The following CNGB1 variants were observed in gnomAD, a reference collection of about 807,000 sequenced individuals.
The protein encoded by CNGB1 is cyclic nucleotide-gated channel beta-1.
CNGB1 carries 126 observed loss-of-function variants against 151.7 expected under a neutral mutation model. The observed-to-expected ratio is 0.83, with a 90% CI of 0.72 to 0.96. The LOEUF (loss-of-function observed/expected upper bound fraction) is 0.96, where lower values mean the gene tolerates loss of function less well. Ranked by LOEUF, CNGB1 falls within the 40% of genes least tolerant of loss-of-function variation. The probability of loss-of-function intolerance (pLI) is 0.00; values close to 1 mark genes in which losing one functional copy is unlikely to be tolerated. For synonymous variants in CNGB1, 623 were observed against 635.1 expected (o/e 0.98, Z 0.29); for missense variants, 1,698 against 1,627.0 (o/e 1.04, Z -0.75).
chr16:57,904,735 T>C lies in CNGB1; in HGVS notation c.2633A>G (p.Gln878Arg). ...GVFAFSVMIG[Q>R]MRDVVGAATA... ...GAAGCTGGGCTGGTGCCCCGATACC[T>C]GTCCGATCATCACAGAGAAAGCAAA... is the stretch of plus-strand genomic sequence containing the variant. Residue 878 changes from glutamine (Q) to arginine (R), a missense_variant and splice_region_variant, in exon 26 of 33, where the codon CAG (glutamine) becomes CGG (arginine). Physicochemically the swap from Gln to Arg is conservative, Grantham distance 43. Coordinates refer to ENST00000251102, the MANE Select transcript of CNGB1 (RefSeq NM_001297.5). The C allele has an allele frequency of 6.2e-7, 1 of 1,614,112 alleles. No homozygotes were observed. The highest frequency in any genetic ancestry group is 8.5e-7 in the Non-Finnish European group (1 of 1,180,032).
chr16:57,887,884 C>T lies in CNGB1; in HGVS notation c.3433G>A (p.Ala1145Thr). ...TCCACCAACTCTTGCTGCTTTGCAG[C>T]CGCCTCCAGCGCGGCCAGTTCTTTG... is the stretch of plus-strand genomic sequence containing the variant. ...RLKELAALEA[A>T]AKQQELVEQA... Residue 1145 changes from alanine to threonine, a missense_variant, in exon 32 of 33, where the codon GCT becomes ACT. By Grantham distance (58) the Ala-to-Thr change is moderately conservative. Transcript: ENST00000251102. 2 of 1,614,210 alleles carry T rather than the reference C, an allele frequency of 1.2e-6. No homozygotes were observed. The highest frequency in any genetic ancestry group is 1.7e-6 in the Non-Finnish European group (2 of 1,180,042).
chr16:57,926,442 A>T (rs544510787), intron 17 of CNGB1, among the ~76,000 whole-genome samples: 1 of 152,282 alleles, frequency 6.6e-6, no homozygotes, highest in South Asian at 2.1e-4. Flanking sequence ...TTGTACCACT[A>T]GGATTTCTAG....
intron 14 of CNGB1, among the ~76,000 whole-genome samples, chr16:57,941,897 G>C (rs1295475706): frequency 6.6e-6 from 1 of 151,612 alleles, no homozygotes; most frequent in Non-Finnish European, 1.5e-5. Flanking sequence ...TGTCACCAAG[G>C]CTGGAGTACA....
chr16:57,949,373 C>T lies in CNGB1; in HGVS notation c.1101G>A (p.Glu367=), dbSNP rs528199212. ...EEEEEEEEEE[E]EEEEVTEVLL... is the part of the protein sequence containing the mutation. Reference sequence around the variant, plus strand: ...CTTACTCAGTCACCTCCTCCTCTTCCTCCTCCTCCTCCTCTTCCTCTTCCT... The same window carrying T: ...CTTACTCAGTCACCTCCTCCTCTTCTTCCTCCTCCTCCTCTTCCTCTTCCT... The change falls in exon 14 of 33, where the codon GAG becomes GAA. Residue 367 remains glutamate, a synonymous_variant. Transcript: ENST00000251102. 3.1e-6 allele frequency: 5 copies of T among 1,600,274 alleles called. No homozygotes were observed. The highest frequency in any genetic ancestry group is 2.7e-5 in the African/African-American group (2 of 74,222).
At position 57,904,894 on chromosome 16, in the gene CNGB1, G is replaced by A; in HGVS notation, c.2493-19C>T. 1 of 1,614,148 alleles carries A rather than the reference G, an allele frequency of 6.2e-7. No homozygotes were observed. On this transcript the variant is annotated intron_variant, in intron 25 of 32. Transcript: ENST00000251102. Reference sequence around the variant, plus strand: ...AATATAACTGGAGAGAGAGGAGAAAGGGAACATGGGTCATCACAGGCCCCA... The same window carrying A: ...AATATAACTGGAGAGAGAGGAGAAAAGGAACATGGGTCATCACAGGCCCCA...
At chr16:57,940,142 A>G in intron 15 of CNGB1, 92 bp downstream of exon 15, 1 of 1,274,014 alleles carries the variant, frequency 7.8e-7, no homozygotes, top group Non-Finnish European at 1.1e-6. Flanking sequence ...ACCAGCCAAA[A>G]CTCCCCCTGT....
At position 57,883,981 on chromosome 16, in the gene CNGB1, G is replaced by A. The variant is rs1959827163; in HGVS notation, c.*183C>T. The A allele has an allele frequency of 2.6e-6, 2 of 760,814 alleles. No individual in the cohort carries two copies. The highest frequency in any genetic ancestry group is 2.7e-5 in the East Asian group (1 of 37,422). 47.1% of individuals were successfully genotyped at this position (760,814 alleles called of 1,614,324 possible). A position where few individuals can be genotyped will look rare whatever the true frequency, so the allele number is the denominator to read the frequency against. On this transcript the variant is annotated 3_prime_UTR_variant, in exon 33 of 33. Coordinates refer to ENST00000251102, the MANE Select transcript of CNGB1 (RefSeq NM_001297.5). ...TTGTCGAGCTCAGGCCCAGCCCCGCGAGGAGCTGAGTCGGGGCTGGCGTGC... is the reference window on the plus strand; with the variant it reads ...TTGTCGAGCTCAGGCCCAGCCCCGCAAGGAGCTGAGTCGGGGCTGGCGTGC...
chr16:57,941,879 T>G (rs1404830271), intron 14 of CNGB1, among the ~76,000 whole-genome samples: 1 of 152,112 alleles, frequency 6.6e-6, no homozygotes, highest in Non-Finnish European at 1.5e-5. Context: ...TGAGACAGGG[T>G]CTTACTCTGT....
At chr16:57,962,381 A>G (rs1962279344) in intron 7 of CNGB1, among the ~76,000 whole-genome samples, 184 bp downstream of exon 7, 3 of 152,104 alleles carry the variant, frequency 2.0e-5, no homozygotes, top group East Asian at 3.9e-4. Flanking sequence ...ACATCCCACC[A>G]CAAACCATGA....
chr16:57,954,905 A>C, intron 12 of CNGB1: 2 of 1,031,694 alleles, frequency 1.9e-6, no homozygotes, highest in Non-Finnish European at 2.3e-6. Flanking sequence ...GGGGCTTTTT[A>C]ATTTATTAAT....
In CNGB1 at chr16:57,963,501, G is replaced by T. The variant is rs562353194; in HGVS notation, c.291-437C>A. Among the ~76,000 whole-genome samples, 7 of 152,284 alleles carry T rather than the reference G, an allele frequency of 4.6e-5. No individual in the cohort carries two copies. In the South Asian group the frequency reaches 1.4e-3, roughly 32 times the overall value. ...CCCAAAGGGCCAAGGTTTGCTGCAG[G>T]TGTAATGCTGTGGCACAGGCTGAGC... On this transcript the variant is annotated intron_variant, in intron 4 of 32. Coordinates refer to ENST00000251102, the MANE Select transcript of CNGB1 (RefSeq NM_001297.5).
At chr16:57,892,869 CA>C (rs1960131427) in intron 31 of CNGB1, among the ~76,000 whole-genome samples, 1 of 152,210 alleles carries the variant, frequency 6.6e-6, no homozygotes, top group Non-Finnish European at 1.5e-5. Flanking sequence ...GCAGCTTCCC[CA>C]ACCAGCTTAT....
chr16:57,885,637 G>A (rs953999172), intron 32 of CNGB1, among the ~76,000 whole-genome samples: 8 of 143,600 alleles, frequency 5.6e-5, no homozygotes, highest in African/African-American at 1.5e-4. Flanking sequence ...TCTGCCACCC[G>A]GGATGGAGTG....
chr16:57,898,148 G>T (rs539240784), intron 29 of CNGB1, among the ~76,000 whole-genome samples: 6 of 152,310 alleles, frequency 3.9e-5, no homozygotes, highest in Admixed American at 3.9e-4. Flanking sequence ...TAACTGACAG[G>T]GTTGCAGTGG....
chr16:57,964,279 C>T, intron 3 of CNGB1, 77 bp from the exon 4 acceptor site: 1 of 1,525,204 alleles, frequency 6.6e-7, no homozygotes, highest in Non-Finnish European at 9.1e-7. Flanking sequence ...GAGATCAAGT[C>T]AGGGGAGAGG....
intron 1 of CNGB1, among the ~76,000 whole-genome samples, chr16:57,969,260 C>A (rs924684302): frequency 2.6e-5 from 4 of 152,178 alleles, no homozygotes; most frequent in African/African-American, 9.7e-5. Context: ...GAGCCGAGAT[C>A]GTGCCACTGC....
Position 57,904,832 on chromosome 16 carries a change from T to C in CNGB1, c.2536A>G (p.Ile846Val), listed in dbSNP as rs111880869. Residue 846 changes from isoleucine (I) to valine (V), a missense_variant, in exon 26 of 33, where the codon ATC becomes GTC. Coordinates refer to ENST00000251102, the MANE Select transcript of CNGB1 (RefSeq NM_001297.5). ...YYFAVKTLIT[I>V]GGLPDPKTLF... ...GTCTTGGGGTCAGGCAGCCCCCCGA[T>C]GGTGATGAGGGTCTTCACAGCAAAG... The C allele has an allele frequency of 5.6e-6, 9 of 1,614,108 alleles. No individual in the cohort carries two copies. The African/African-American group carries it at 1.1e-4, about 19-fold the overall frequency.
At chr16:57,913,874 T>A (rs1436197874) in intron 23 of CNGB1, among the ~76,000 whole-genome samples, 1 of 152,218 alleles carries the variant, frequency 6.6e-6, no homozygotes, top group Non-Finnish European at 1.5e-5. Flanking sequence ...CTCAGGGAAG[T>A]CCAGTAACTT....
At chr16:57,927,581 C>T (rs1394582668) in intron 17 of CNGB1, among the ~76,000 whole-genome samples, 2 of 152,208 alleles carry the variant, frequency 1.3e-5, no homozygotes, top group Non-Finnish European at 2.9e-5. Flanking sequence ...GTATCCCCAG[C>T]ACCCAGGGCA....
Sources: gnomAD v4.1 joint callset for allele counts (sites outside exome capture counted in the v4.1 genomes callset) on GRCh38, gnomAD v4.1.1 for gene constraint, MANE v1.5 for transcripts, NCBI Gene and HGNC (gene_info 2026-07-23, HGNC 2026-07-21) for gene names.